LTBP4: variants seen among roughly 807,000 people sequenced by gnomAD.
The protein encoded by LTBP4 is latent transforming growth factor beta binding protein 4, also known as latent-transforming growth factor beta-binding protein 4.
LTBP4 carries 93 observed loss-of-function variants against 180.2 expected under a neutral mutation model. The observed-to-expected ratio is 0.52, with a 90% CI of 0.44 to 0.61. LTBP4 has a LOEUF of 0.61. LTBP4 is among the 20% of genes least tolerant of loss of function. LTBP4 has a pLI of 0.00. For synonymous variants in LTBP4, 947 were observed against 934.5 expected (o/e 1.01, Z -0.24); for missense variants, 2,116 against 2,256.5 (o/e 0.94, Z 1.26).
intron 18 of LTBP4, 27 bp from the exon 19 acceptor site, chr19:40,614,288 A>T (rs754908836): frequency 6.3e-7 from 1 of 1,586,552 alleles, no homozygotes; most frequent in Admixed American, 1.7e-5. Flanking sequence ...TGCTTCCCAC[A>T]TCCGACCACC....
chr19:40,608,022 G>C (rs2081475880), intron 7 of LTBP4, among the ~76,000 whole-genome samples, 198 bp from the exon 8 acceptor site: 2 of 152,136 alleles, frequency 1.3e-5, no homozygotes, highest in South Asian at 4.1e-4. Flanking sequence ...CCCAAATGTG[G>C]GAAAACGCTC....
chr19:40,629,594 GC>G lies in LTBP4; in HGVS notation c.*48del. ...CGCCCACCCGCGCCCGCCACTCGGG[GC>G]CCCTGCCGCGCATCCTGCAGCCCGC... On this transcript the variant is annotated 3_prime_UTR_variant, in exon 30 of 30. Coordinates refer to ENST00000396819, the MANE Select transcript of LTBP4 (RefSeq NM_001042545.2). This position sits in a 1 kb window ranked among gnomAD's most constrained non-coding sequence, Gnocchi z 4.5. The G allele has an allele frequency of 1.5e-6, 2 of 1,335,152 alleles. No homozygotes were observed. The highest frequency in any genetic ancestry group is 1.6e-5 in the African/African-American group (1 of 63,966). The allele number at this position is 1,335,152 out of a possible 1,614,324, so 82.7% of individuals were successfully genotyped here.
rs974672930 is a variant in LTBP4 at position 40,625,766 on chromosome 19, G to A, written c.3833-91G>A. On this transcript the variant is annotated intron_variant, in intron 26 of 29. Transcript: ENST00000396819. Reference sequence around the variant, plus strand: ...GAGAAGGATTTGCTGATAGGCAGAGGGTGCCTGGGCTGCTCAGCAGGGGAA... The same window carrying A: ...GAGAAGGATTTGCTGATAGGCAGAGAGTGCCTGGGCTGCTCAGCAGGGGAA... 2.8e-5 allele frequency: 32 copies of A among 1,157,898 alleles called. No individual in the cohort carries two copies. The Middle Eastern group carries it at 6.9e-4, about 25-fold the overall frequency. The allele number at this position is 1,157,898 out of a possible 1,614,324, so 71.7% of individuals were successfully genotyped here.
chr19:40,601,762 CAG>C (rs2081425910), intron 1 of LTBP4, 125 bp downstream of exon 1: 4 of 786,242 alleles, frequency 5.1e-6, no homozygotes, highest in South Asian at 3.6e-5. Flanking sequence ...AAGGGAATAT[CAG>C]GGGCTATTTG....
rs1480095020 is a variant in LTBP4, at chr19:40,613,591, C to A, written c.2557+62C>A. ...GGGCTTAGGGCAGGAAAAGGCGGGA[C>A]GGGGAGAAGAGGGCGAAAAGGGGAA... is the stretch of plus-strand genomic sequence containing the variant. On this transcript the variant is annotated intron_variant, in intron 17 of 29. Coordinates refer to ENST00000396819, the MANE Select transcript of LTBP4 (RefSeq NM_001042545.2). This position sits in a 1 kb window ranked among gnomAD's most constrained non-coding sequence, Gnocchi z 5.0. 1 of 1,542,350 alleles carries A rather than the reference C, an allele frequency of 6.5e-7. No individual in the cohort carries two copies. Among genetic ancestry groups the A allele is most frequent in the Non-Finnish European group, 8.7e-7 (1 of 1,147,524 alleles).
intron 1 of LTBP4, among the ~76,000 whole-genome samples, chr19:40,603,857 C>G (rs1482547187): frequency 6.6e-6 from 1 of 152,234 alleles, no homozygotes; most frequent in Admixed American, 6.5e-5. Context: ...CCCCAAGGGT[C>G]CGGAATGTGG....
rs2081622885 is a variant in LTBP4 at position 40,625,295 on chromosome 19, TATATATATATA to T, written c.3833-561_3833-551del. Among the ~76,000 whole-genome samples, 2 of 15,042 alleles carry T rather than the reference TATATATATATA, an allele frequency of 1.3e-4. 1 individual carries two copies. Among genetic ancestry groups the T allele is most frequent in the Non-Finnish European group, 2.0e-4 (2 of 9,906 alleles). The allele number at this position is 15,042 out of a possible 152,430, so 9.9% of individuals were successfully genotyped here. Reference sequence around the variant, plus strand: ...ATATATATATATATATATATATATATATATATATATATATATATATATTTTTTTTTTTAAAG... The same window carrying T: ...ATATATATATATATATATATATATATTATATATATATTTTTTTTTTTAAAG... On this transcript the variant is annotated intron_variant, in intron 26 of 29. Coordinates refer to ENST00000396819, the MANE Select transcript of LTBP4 (RefSeq NM_001042545.2).
chr19:40,619,546 A>T, intron 22 of LTBP4, 53 bp downstream of exon 22: 1 of 1,545,260 alleles, frequency 6.5e-7, no homozygotes. Context: ...TGGGAAAATC[A>T]CGTGGTCTAA....
intron 1 of LTBP4, among the ~76,000 whole-genome samples, chr19:40,602,923 C>T (rs777888456): frequency 6.6e-6 from 1 of 152,158 alleles, no homozygotes; most frequent in Non-Finnish European, 1.5e-5. Flanking sequence ...AGACCCTTAC[C>T]ATTCTGCAAT....
At chr19:40,627,556 G>A in intron 28 of LTBP4, 149 bp from the exon 29 acceptor site, 1 of 1,264,916 alleles carries the variant, frequency 7.9e-7, no homozygotes, top group Non-Finnish European at 1.1e-6. Flanking sequence ...AATGAGGTAA[G>A]CTTACTGGCC....
chr19:40,599,716 T>G, upstream of LTBP4: 1 of 657,014 alleles, frequency 1.5e-6, no homozygotes, highest in Non-Finnish European at 2.6e-6. Flanking sequence ...ATTTCATCCC[T>G]TGCCTGCCTA....
upstream of LTBP4, chr19:40,597,233 C>G (rs772816721): frequency 2.7e-6 from 4 of 1,488,732 alleles, no homozygotes; most frequent in Admixed American, 2.2e-5. Flanking sequence ...GCGCCCGACA[C>G]GATGCCGAGG....
upstream of LTBP4, chr19:40,597,173 C>T: frequency 1.6e-6 from 2 of 1,276,124 alleles, no homozygotes; most frequent in Non-Finnish European, 2.0e-6. Context: ...GGGGCGGGGC[C>T]GGGGCTAGCC....
chr19:40,617,760 G>A (rs2081560966), intron 21 of LTBP4, among the ~76,000 whole-genome samples: 1 of 151,572 alleles, frequency 6.6e-6, no homozygotes, highest in South Asian at 2.1e-4. Flanking sequence ...AAGTATAAAT[G>A]TATAAAGTAC....
chr19:40,601,564 G>T lies in LTBP4; in HGVS notation c.177G>T (p.Ala59=). 2.0e-6 allele frequency: 3 copies of T among 1,472,478 alleles called. No individual in the cohort carries two copies. The highest frequency in any genetic ancestry group is 2.7e-6 in the Non-Finnish European group (3 of 1,117,460). 91.2% of individuals were successfully genotyped at this position (1,472,478 alleles called of 1,614,324 possible). A position where few individuals can be genotyped will look rare whatever the true frequency, so the allele number is the denominator to read the frequency against. ...GCTCCCGCTGTACCCCGACCTGCGC[G>T]CCCCGCAACGCCACCAGCGTGGACA... is the stretch of plus-strand genomic sequence containing the variant. ...PTGSRCTPTC[A]PRNATSVDSG... Residue 59 remains alanine (A), a synonymous_variant, in exon 1 of 30, where the codon GCG becomes GCT. Coordinates refer to ENST00000396819, the MANE Select transcript of LTBP4 (RefSeq NM_001042545.2).
At chr19:40,621,800 A>G (rs1460996287) in intron 22 of LTBP4, among the ~76,000 whole-genome samples, 1 of 152,064 alleles carries the variant, frequency 6.6e-6, no homozygotes, top group African/African-American at 2.4e-5. Flanking sequence ...CCAGGCTAGA[A>G]TGCAGTGGTG....
In LTBP4 at chr19:40,625,302, ATATATATATATATATT is replaced by A. The variant is rs1568414587; in HGVS notation, c.3833-553_3833-538del. Among the ~76,000 whole-genome samples, 4 of 12,026 alleles carry A rather than the reference ATATATATATATATATT, an allele frequency of 3.3e-4. No homozygotes were observed. In the East Asian group the frequency reaches 5.9e-3, roughly 18 times the overall value. 7.9% of individuals were successfully genotyped at this position (12,026 alleles called of 152,430 possible). A position where few individuals can be genotyped will look rare whatever the true frequency, so the allele number is the denominator to read the frequency against. On this transcript the variant is annotated intron_variant, in intron 26 of 29. Transcript: ENST00000396819. The stretch of plus-strand genomic sequence containing the variant: ...TATATATATATATATATATATATAT[ATATATATATATATATT>A]TTTTTTTTTAAAGATGGGTTTTTGC...
rs2081471449 is a variant in LTBP4, at chr19:40,607,432, G to A, written c.1059G>A (p.Leu353=). The change falls in exon 7 of 30, where the codon CTG becomes CTA. Residue 353 remains leucine (L), a synonymous_variant. Coordinates refer to ENST00000396819, the MANE Select transcript of LTBP4 (RefSeq NM_001042545.2). ...FRVLRDGGCS[L]PILRNITKQI... is the part of the protein sequence containing the mutation. Reference sequence around the variant, plus strand: ...TGCTCCGCGACGGCGGCTGTTCGCTGCCCATTCTGCGGAACATCACTAAAC... The same window carrying A: ...TGCTCCGCGACGGCGGCTGTTCGCTACCCATTCTGCGGAACATCACTAAAC... 1 of 1,613,208 alleles carries A rather than the reference G, an allele frequency of 6.2e-7. No homozygotes were observed. The highest frequency in any genetic ancestry group is 8.5e-7 in the Non-Finnish European group (1 of 1,179,712).
rs763704805 is a variant in LTBP4 at position 40,605,532 on chromosome 19, G to A, written c.570G>A (p.Ala190=). ...CTGAGGCGGTGGCGCGGGCGGAAGC[G>A]GCGGCGCGGGCGGAGGCGGCAGCGC... is the stretch of plus-strand genomic sequence containing the variant. ...ADAEAVARAE[A]AARAEAAAPY... is the part of the protein sequence containing the mutation. The change falls in exon 3 of 30, where the codon GCG becomes GCA. Residue 190 remains alanine, a synonymous_variant. Transcript: ENST00000396819. This position sits in a 1 kb window ranked among gnomAD's most constrained non-coding sequence, Gnocchi z 5.5. The A allele has an allele frequency of 1.9e-6, 3 of 1,607,120 alleles. No individual in the cohort carries two copies. The highest frequency in any genetic ancestry group is 2.5e-6 in the Non-Finnish European group (3 of 1,178,028).
Sources: gnomAD v4.1 joint callset for allele counts (sites outside exome capture counted in the v4.1 genomes callset) on GRCh38, gnomAD v4.1.1 for gene constraint, Gnocchi (gnomAD v3.1) non-coding constraint, MANE v1.5 for transcripts, NCBI Gene and HGNC (gene_info 2026-07-23, HGNC 2026-07-21) for gene names.